Variants in TAFA1 observed in about 807,000 individuals in gnomAD.
The protein encoded by TAFA1 is chemokine-like protein TAFA-1.
In TAFA1, 4 loss-of-function variants were observed where a neutral mutation model predicts 18.5. The ratio of observed to expected loss-of-function variants is 0.22; its 90% CI spans 0.11 to 0.49. The LOEUF is 0.49. Among genes scored for constraint, TAFA1 ranks in the 20% least tolerant of loss-of-function variants. The probability of loss-of-function intolerance (pLI) is 0.98; values close to 1 mark genes in which losing one functional copy is unlikely to be tolerated. For synonymous variants in TAFA1, 56 were observed against 55.2 expected (o/e 1.01, Z -0.06); for missense variants, 147 against 169.0 (o/e 0.87, Z 0.72).
chr3:68,441,083 C>T (rs1272165380), intron 3 of TAFA1, among the ~76,000 whole-genome samples: 2 of 152,136 alleles, frequency 1.3e-5, no homozygotes, highest in Non-Finnish European at 2.9e-5. Context: ...CTGCATTTGG[C>T]CACCCCTACA....
chr3:68,116,586 C>A (rs2065327528), intron 2 of TAFA1, among the ~76,000 whole-genome samples: 1 of 152,116 alleles, frequency 6.6e-6, no homozygotes, highest in Non-Finnish European at 1.5e-5. Context: ...ACCTGGAGAA[C>A]TTTTTAAAAA....
At chr3:68,235,921 C>T (rs903957498) in intron 2 of TAFA1, among the ~76,000 whole-genome samples, 4 of 152,100 alleles carry the variant, frequency 2.6e-5, no homozygotes, top group Admixed American at 6.6e-5. Flanking sequence ...TGAGTATCTA[C>T]GTGGCCAACT....
At chr3:68,327,386 G>A (rs567967322) in intron 2 of TAFA1, among the ~76,000 whole-genome samples, 1 of 152,088 alleles carries the variant, frequency 6.6e-6, no homozygotes, top group Admixed American at 6.5e-5. Context: ...AAATGTATTT[G>A]TAAGAAATAC....
Position 68,456,690 on chromosome 3 carries a change from A to G in TAFA1, c.259+39270A>G, listed in dbSNP as rs184071294. ...TATAGCAATCTTGCACCCATATAAA[A>G]GCTTCATTTCAATATGATATGAAAA... is the stretch of plus-strand genomic sequence containing the variant. On this transcript the variant is annotated intron_variant, in intron 3 of 4. Transcript: ENST00000478136. Among the ~76,000 whole-genome samples, 279 of 152,308 alleles carry G rather than the reference A, an allele frequency of 1.8e-3. 1 individual carries two copies. The highest frequency in any genetic ancestry group is 6.3e-3 in the African/African-American group (263 of 41,572).
intron 2 of TAFA1, among the ~76,000 whole-genome samples, chr3:68,194,312 T>C (rs1438965813): frequency 1.3e-5 from 2 of 151,742 alleles, no homozygotes; most frequent in African/African-American, 4.8e-5. Context: ...CATTTCTATC[T>C]ACCTTGGTGG....
At chr3:68,308,767 G>C (rs35578184) in intron 2 of TAFA1, among the ~76,000 whole-genome samples, 62,880 of 151,866 alleles carry the variant, frequency 0.41, 15,114 homozygotes, top group Non-Finnish European at 0.54. Context: ...CTATTACAAA[G>C]TGGTGAATAG....
Position 68,175,026 on chromosome 3 carries a change from C to G in TAFA1, c.118+168282C>G, listed in dbSNP as rs2066106400. On this transcript the variant is annotated intron_variant, in intron 2 of 4. Transcript: ENST00000478136. ...GGCCAATGAAGAGCTCAGGTCATGG[C>G]TTCAGGGGATGCCAGCTTCAAGCCT... is the stretch of plus-strand genomic sequence containing the variant. 2.6e-5 allele frequency among the ~76,000 whole-genome samples: 4 copies of G among 152,226 alleles called. No homozygotes were observed. The South Asian group carries it at 8.3e-4, about 31-fold the overall frequency.
intron 2 of TAFA1, among the ~76,000 whole-genome samples, chr3:68,047,409 C>A (rs766844895): frequency 1.4e-4 from 21 of 152,158 alleles, no homozygotes; most frequent in Non-Finnish European, 3.1e-4. Flanking sequence ...GATGGCATAG[C>A]AGCCAACTGA....
At chr3:68,452,214 T>C (rs2071576555) in intron 3 of TAFA1, among the ~76,000 whole-genome samples, 1 of 152,192 alleles carries the variant, frequency 6.6e-6, no homozygotes, top group Non-Finnish European at 1.5e-5. Flanking sequence ...TGCTTTCTTA[T>C]GCACTGTACT....
chr3:68,501,163 A>G (rs1291149754), intron 3 of TAFA1, among the ~76,000 whole-genome samples: 1 of 151,508 alleles, frequency 6.6e-6, no homozygotes, highest in African/African-American at 2.4e-5. Context: ...TGAAAAAAAA[A>G]AAAAAAAAAA....
At chr3:68,395,214 G>A (rs1320844847) in intron 2 of TAFA1, among the ~76,000 whole-genome samples, 1 of 152,142 alleles carries the variant, frequency 6.6e-6, no homozygotes, top group Non-Finnish European at 1.5e-5. Context: ...CTGGTCGTTA[G>A]AGAATTGCAT....
chr3:68,124,280 C>T (rs752751125), intron 2 of TAFA1, among the ~76,000 whole-genome samples: 3 of 152,186 alleles, frequency 2.0e-5, no homozygotes, highest in Non-Finnish European at 2.9e-5. Context: ...TGTCTGGTCT[C>T]ACTGTTCTTA....
At chr3:68,079,930 A>G (rs1049838977) in intron 2 of TAFA1, among the ~76,000 whole-genome samples, 1 of 151,888 alleles carries the variant, frequency 6.6e-6, no homozygotes, top group Non-Finnish European at 1.5e-5. Context: ...GTCTCCCATT[A>G]TTAATGTGTG....
chr3:68,095,497 C>G (rs1430399386), intron 2 of TAFA1, among the ~76,000 whole-genome samples: 1 of 152,102 alleles, frequency 6.6e-6, no homozygotes, highest in Non-Finnish European at 1.5e-5. Context: ...GACCCACTTT[C>G]CATGGTGTTA....
intron 2 of TAFA1, among the ~76,000 whole-genome samples, chr3:68,173,249 T>C (rs958369527): frequency 6.6e-6 from 1 of 151,970 alleles, no homozygotes; most frequent in Non-Finnish European, 1.5e-5. Context: ...ACTTGAAATA[T>C]GTACATTATT....
chr3:68,133,812 G>A (rs1237337801), intron 2 of TAFA1, among the ~76,000 whole-genome samples: 1 of 151,932 alleles, frequency 6.6e-6, no homozygotes, highest in Non-Finnish European at 1.5e-5. Flanking sequence ...TGCCAAAGTG[G>A]CAGAGGACAC....
chr3:68,086,159 C>G (rs1229008968), intron 2 of TAFA1, among the ~76,000 whole-genome samples: 2 of 152,190 alleles, frequency 1.3e-5, no homozygotes, highest in Non-Finnish European at 2.9e-5. Context: ...GAGTAGTGGT[C>G]TATGAGGTAA....
At chr3:68,292,421 A>C (rs1489925005) in intron 2 of TAFA1, among the ~76,000 whole-genome samples, 1 of 114,270 alleles carries the variant, frequency 8.8e-6, no homozygotes, top group Non-Finnish European at 1.9e-5. Context: ...CAAAAAAAAA[A>C]AACAAAAAAA....
chr3:68,319,319 G>C (rs968363247), intron 2 of TAFA1, among the ~76,000 whole-genome samples: 1 of 152,192 alleles, frequency 6.6e-6, no homozygotes, highest in Non-Finnish European at 1.5e-5. Context: ...TTCTCAACCA[G>C]GGGCTATTTT....
Sources: allele counts gnomAD v4.1 joint callset (sites outside exome capture counted in the v4.1 genomes callset), GRCh38; gene constraint gnomAD v4.1.1; transcripts MANE v1.5; gene names NCBI Gene and HGNC (gene_info 2026-07-23, HGNC 2026-07-21).